Variants in WWOX observed in about 807,000 individuals in gnomAD.
WWOX encodes the protein WW domain containing oxidoreductase, also known as WW domain-containing oxidoreductase.
WWOX carries 69 observed loss-of-function variants against 46.2 expected under a neutral mutation model. That is an observed-to-expected ratio of 1.49 (90% confidence interval 1.23 to 1.82). WWOX has a LOEUF of 1.82. Ranked by LOEUF, WWOX falls within the 40% of genes most tolerant of loss-of-function variation. WWOX has a pLI of 0.00. For synonymous variants in WWOX, 359 were observed against 202.6 expected (o/e 1.77, Z -6.56); for missense variants, 919 against 542.6 (o/e 1.69, Z -6.89).
intron 8 of WWOX, among the ~76,000 whole-genome samples, chr16:78,595,063 C>T (rs559595232): frequency 1.3e-5 from 2 of 152,118 alleles, no homozygotes; most frequent in South Asian, 2.1e-4. Context: ...GCTTGGGGAC[C>T]CCAGGGTGGA....
intron 5 of WWOX, among the ~76,000 whole-genome samples, chr16:78,371,851 T>C (rs74957862): frequency 0.053 from 8,041 of 152,302 alleles, 276 homozygotes; most frequent in East Asian, 0.12. Context: ...TAATCATGTG[T>C]GTTAGGTAGG....
At chr16:78,933,928 G>A (rs905533952) in intron 8 of WWOX, among the ~76,000 whole-genome samples, 10 of 152,010 alleles carry the variant, frequency 6.6e-5, no homozygotes, top group Non-Finnish European at 1.3e-4. Context: ...GAAGTGGCTC[G>A]CACCTGTAAT....
chr16:78,606,985 CTGTTTT>C (rs1211248939), intron 8 of WWOX, among the ~76,000 whole-genome samples: 6 of 152,034 alleles, frequency 3.9e-5, no homozygotes. Context: ...TGGGCAGACT[CTGTTTT>C]TGTTTTTGTC....
chr16:78,189,946 C>T (rs542084372), intron 5 of WWOX, among the ~76,000 whole-genome samples: 8 of 148,476 alleles, frequency 5.4e-5, no homozygotes, highest in Admixed American at 2.7e-4. Flanking sequence ...TGAGCCACCA[C>T]GCCCGGCTCA....
At chr16:78,668,375 T>C (rs971454847) in intron 8 of WWOX, among the ~76,000 whole-genome samples, 1 of 152,218 alleles carries the variant, frequency 6.6e-6, no homozygotes, top group African/African-American at 2.4e-5. Context: ...ATTCCGTAAG[T>C]ACTTTGAGGG....
rs1464861990 is a variant in WWOX at position 79,032,685 on chromosome 16, C to T, written c.1057-178923C>T. On this transcript the variant is annotated intron_variant, in intron 8 of 8. Coordinates refer to ENST00000566780, the MANE Select transcript of WWOX (RefSeq NM_016373.4). ...ACATATGTATATATATATATATACA[C>T]ACACACACACACATTTCAACTTTCT... Among the ~76,000 whole-genome samples the T allele has an allele frequency of 4.0e-5, 6 of 150,626 alleles. No homozygotes were observed. The Admixed American group carries it at 4.0e-4, about 10-fold the overall frequency.
intron 8 of WWOX, among the ~76,000 whole-genome samples, chr16:78,484,047 A>G (rs2044866104): frequency 6.6e-6 from 1 of 152,190 alleles, no homozygotes; most frequent in African/African-American, 2.4e-5. Flanking sequence ...ATAGATAAGT[A>G]TGCTCCCTTG....
At chr16:78,195,935 A>AT (rs2151768964) in intron 5 of WWOX, among the ~76,000 whole-genome samples, 1 of 151,790 alleles carries the variant, frequency 6.6e-6, no homozygotes, top group African/African-American at 2.4e-5. Flanking sequence ...CGCACTTCCT[A>AT]TTTTTTGAGC....
At chr16:78,913,383 A>C (rs888090380) in intron 8 of WWOX, among the ~76,000 whole-genome samples, 1 of 151,934 alleles carries the variant, frequency 6.6e-6, no homozygotes, top group African/African-American at 2.4e-5. Flanking sequence ...GACTGTTGGA[A>C]GACGAGACGT....
At chr16:78,592,027 G>C (rs1223761708) in intron 8 of WWOX, among the ~76,000 whole-genome samples, 1 of 152,076 alleles carries the variant, frequency 6.6e-6, no homozygotes. Context: ...GGTAAGCATC[G>C]ATTTTACCTT....
chr16:78,869,364 A>T (rs1053455427), intron 8 of WWOX, among the ~76,000 whole-genome samples: 3 of 152,170 alleles, frequency 2.0e-5, no homozygotes, highest in African/African-American at 7.2e-5. Flanking sequence ...TCCAGACTGC[A>T]ACCTGTTTTT....
chr16:79,052,018 T>C (rs1380085212), intron 8 of WWOX, among the ~76,000 whole-genome samples: 2 of 138,368 alleles, frequency 1.4e-5, no homozygotes, highest in Non-Finnish European at 3.1e-5. Context: ...CCTTTGCCTC[T>C]TTTTTCTTTT....
intron 8 of WWOX, among the ~76,000 whole-genome samples, chr16:78,994,562 GT>G (rs1195708238): frequency 6.6e-6 from 1 of 152,190 alleles, no homozygotes; most frequent in African/African-American, 2.4e-5. Context: ...AGAAATGAAT[GT>G]GAAGACCGAG....
chr16:78,374,950 T>G (rs1380511797), intron 5 of WWOX, among the ~76,000 whole-genome samples: 1 of 152,128 alleles, frequency 6.6e-6, no homozygotes, highest in Non-Finnish European at 1.5e-5. Flanking sequence ...CCTCCCAAAG[T>G]GCTGGGATAA....
chr16:78,103,080 C>G (rs1567569983), intron 1 of WWOX, among the ~76,000 whole-genome samples: 1 of 152,098 alleles, frequency 6.6e-6, no homozygotes, highest in Non-Finnish European at 1.5e-5. Context: ...TCCTGCGTGC[C>G]CCCTGCGCCT....
intron 5 of WWOX, among the ~76,000 whole-genome samples, chr16:78,317,305 C>G (rs2080374903): frequency 6.6e-6 from 1 of 152,172 alleles, no homozygotes; most frequent in South Asian, 2.1e-4. Flanking sequence ...GTCTCTGTTT[C>G]TGTCTCTCTC....
chr16:79,026,386 C>G (rs914387261), intron 8 of WWOX, among the ~76,000 whole-genome samples: 1 of 151,642 alleles, frequency 6.6e-6, no homozygotes, highest in East Asian at 1.9e-4. Flanking sequence ...TCTGAGATAC[C>G]TTCCAGACTC....
rs1410077940 is a variant in WWOX at position 78,753,835 on chromosome 16, T to A, written c.1056+321083T>A. ...AAAAAAAAAAAAAAAAATATATATATATATATATATATATATATATGTATA... is the reference window on the plus strand; with the variant it reads ...AAAAAAAAAAAAAAAAATATATATAAATATATATATATATATATATGTATA... On this transcript the variant is annotated intron_variant, in intron 8 of 8. Transcript: ENST00000566780. 3.2e-3 allele frequency among the ~76,000 whole-genome samples: 292 copies of A among 90,174 alleles called. 5 individuals are homozygous for A. The highest frequency in any genetic ancestry group is 0.016 in the African/African-American group (279 of 17,788). The allele number at this position is 90,174 out of a possible 152,430, so 59.2% of individuals were successfully genotyped here. A position where few individuals can be genotyped will look rare whatever the true frequency, so the allele number is the denominator to read the frequency against.
In WWOX at chr16:78,531,836, C is replaced by T. The variant is rs147122026; in HGVS notation, c.1056+99084C>T. ...TTGCACAACTGAACTCCAGCCTGGGCGACAGAGGAAGACTCTGTCTCAAAA... is the reference window on the plus strand; with the variant it reads ...TTGCACAACTGAACTCCAGCCTGGGTGACAGAGGAAGACTCTGTCTCAAAA... On this transcript the variant is annotated intron_variant, in intron 8 of 8. Coordinates refer to ENST00000566780, the MANE Select transcript of WWOX (RefSeq NM_016373.4). Among the ~76,000 whole-genome samples the T allele has an allele frequency of 5.5e-3, 831 of 152,082 alleles. 10 individuals are homozygous for T. Among genetic ancestry groups the T allele is most frequent in the African/African-American group, 0.019 (792 of 41,478 alleles).
Sources: allele counts gnomAD v4.1 joint callset (sites outside exome capture counted in the v4.1 genomes callset), GRCh38; gene constraint gnomAD v4.1.1; transcripts MANE v1.5; gene names NCBI Gene and HGNC (gene_info 2026-07-23, HGNC 2026-07-21).